The following FGF10 variants were observed in gnomAD, a reference collection of about 807,000 sequenced individuals.
FGF10 encodes fibroblast growth factor 10.
Under a neutral mutation model 19.8 loss-of-function variants are expected in FGF10, and 2 were observed. The observed-to-expected ratio is 0.10, with a 90% CI of 0.04 to 0.32. The LOEUF (loss-of-function observed/expected upper bound fraction) is 0.32. Ranked by LOEUF, FGF10 falls within the 10% of genes least tolerant of loss-of-function variation. The pLI is 1.00. For missense variants in FGF10, 191 were observed against 246.3 expected (o/e 0.78, Z 1.50); for synonymous variants, 112 against 94.0 (o/e 1.19, Z -1.10).
intron 1 of FGF10, among the ~76,000 whole-genome samples, chr5:44,311,651 C>A (rs949474291): frequency 9.9e-4 from 151 of 152,142 alleles, no homozygotes; most frequent in African/African-American, 3.5e-3. Flanking sequence ...AGCTTAGTAT[C>A]TTCTTAATTA....
chr5:44,335,559 T>C (rs1388417937), intron 1 of FGF10, among the ~76,000 whole-genome samples: 2 of 152,180 alleles, frequency 1.3e-5, no homozygotes, highest in East Asian at 3.8e-4. Flanking sequence ...TTCATTGATT[T>C]ACAACCTGAG....
At chr5:44,313,588 G>GTTT (rs11324688) in intron 1 of FGF10, among the ~76,000 whole-genome samples, 6 of 146,754 alleles carry the variant, frequency 4.1e-5, no homozygotes, top group Non-Finnish European at 6.0e-5. Context: ...ATAAAAAAAG[G>GTTT]TTTTTTTTTT....
intron 1 of FGF10, among the ~76,000 whole-genome samples, chr5:44,314,848 T>C: frequency 6.6e-6 from 1 of 152,160 alleles, no homozygotes; most frequent in Non-Finnish European, 1.5e-5. Context: ...GTCTGGAGGG[T>C]AAGTTTCTCA....
rs1489437461 is a variant in FGF10, at chr5:44,389,289, C to G, written c.-607G>C. ...CCTTTCTGTTTTTAGTGGTGCCTGC[C>G]GATTTGAAGGCTGCCGAAAGTCACT... On this transcript the variant is annotated 5_prime_UTR_variant, in exon 1 of 3. Coordinates refer to ENST00000264664, the MANE Select transcript of FGF10 (RefSeq NM_004465.2). 1.3e-5 allele frequency: 2 copies of G among 157,132 alleles called. No individual in the cohort carries two copies. The highest frequency in any genetic ancestry group is 2.4e-5 in the African/African-American group (1 of 41,450). The allele number at this position is 157,132 out of a possible 1,614,324, so 9.7% of individuals were successfully genotyped here.
At chr5:44,350,922 T>C (rs1318818712) in intron 1 of FGF10, among the ~76,000 whole-genome samples, 1 of 151,406 alleles carries the variant, frequency 6.6e-6, no homozygotes, top group Non-Finnish European at 1.5e-5. Flanking sequence ...TATCATTTGG[T>C]AGCTTAGTAA....
In FGF10 at chr5:44,379,731, T is replaced by G. The variant is rs186389221; in HGVS notation, c.325+8627A>C. ...CTTGGGTTATATTTCCCTCACACCT[T>G]TCTTGTCATGTCAGCCCTTTCGCAG... On this transcript the variant is annotated intron_variant, in intron 1 of 2. Coordinates refer to ENST00000264664, the MANE Select transcript of FGF10 (RefSeq NM_004465.2). Among the ~76,000 whole-genome samples, 334 of 152,310 alleles carry G rather than the reference T, an allele frequency of 2.2e-3. 2 individuals carry two copies. Among genetic ancestry groups the G allele is most frequent in the African/African-American group, 7.7e-3 (322 of 41,562 alleles).
chr5:44,347,519 T>A (rs1741115724), intron 1 of FGF10, among the ~76,000 whole-genome samples: 1 of 151,776 alleles, frequency 6.6e-6, no homozygotes, highest in South Asian at 2.1e-4. Flanking sequence ...CAAAACTATA[T>A]CCATCCTTCA....
intron 1 of FGF10, among the ~76,000 whole-genome samples, chr5:44,358,502 G>C (rs771759694): frequency 1.3e-5 from 2 of 151,464 alleles, no homozygotes; most frequent in Non-Finnish European, 3.0e-5. Flanking sequence ...AAAAAACAAA[G>C]GACATTATAG....
At chr5:44,325,881 TA>T (rs5867660) in intron 1 of FGF10, among the ~76,000 whole-genome samples, 65,159 of 151,668 alleles carry the variant, frequency 0.43, 15,042 homozygotes, top group African/African-American at 0.59. Context: ...TACAAAATTT[TA>T]AAAAAAAGAA....
rs1740825707 is a variant in FGF10, at chr5:44,335,473, T to TCTA, written c.326-24946_326-24944dup. Among the ~76,000 whole-genome samples the TCTA allele has an allele frequency of 2.6e-5, 4 of 152,182 alleles. No individual in the cohort carries two copies. The South Asian group carries it at 8.3e-4, about 31-fold the overall frequency. Reference sequence around the variant, plus strand: ...ACTAAACAAAAGTTCTCTTGGGAATTCTACTGGTAACAATCATTCAGATTT... The same window carrying TCTA: ...ACTAAACAAAAGTTCTCTTGGGAATTCTACTACTGGTAACAATCATTCAGATTT... On this transcript the variant is annotated intron_variant, in intron 1 of 2. Coordinates refer to ENST00000264664, the MANE Select transcript of FGF10 (RefSeq NM_004465.2).
chr5:44,330,057 G>C (rs901843955), intron 1 of FGF10, among the ~76,000 whole-genome samples: 2 of 152,162 alleles, frequency 1.3e-5, no homozygotes, highest in East Asian at 3.9e-4. Flanking sequence ...TAAATATTTT[G>C]GATGTATTTC....
chr5:44,318,160 A>G (rs1352860405), intron 1 of FGF10, among the ~76,000 whole-genome samples: 1 of 152,130 alleles, frequency 6.6e-6, no homozygotes, highest in African/African-American at 2.4e-5. Flanking sequence ...TTTTGATCCC[A>G]TTTTGCAATG....
chr5:44,310,522 C>G lies in FGF10; in HGVS notation c.334G>C (p.Glu112Gln). ...ACTCCGATTTCTACTGATGTTATCT[C>G]CAGGATGCCTAAAACATACAATTTT... ...KKENCPYSIL[E>Q]ITSVEIGVVA... Residue 112 changes from glutamate to glutamine, a missense_variant, in exon 2 of 3, where the codon GAG becomes CAG. Glu to Gln is a conservative substitution (Grantham distance 29). This residue lies in a region of FGF10 where 99 missense variants were observed against 161.7 expected (regional missense o/e 0.61). Transcript: ENST00000264664. 1 of 1,607,028 alleles carries G rather than the reference C, an allele frequency of 6.2e-7. No homozygotes were observed. The highest frequency in any genetic ancestry group is 8.5e-7 in the Non-Finnish European group (1 of 1,174,284).
At chr5:44,341,560 G>C (rs1410189216) in intron 1 of FGF10, among the ~76,000 whole-genome samples, 4 of 151,642 alleles carry the variant, frequency 2.6e-5, no homozygotes, top group African/African-American at 9.7e-5. Flanking sequence ...ATTCTTTGAA[G>C]CAGAGCAATG....
At chr5:44,374,968 G>A (rs550028903) in intron 1 of FGF10, among the ~76,000 whole-genome samples, 3 of 152,014 alleles carry the variant, frequency 2.0e-5, no homozygotes, top group East Asian at 3.9e-4. Context: ...TATTTTTCAG[G>A]TTCTCAGAAT....
chr5:44,377,838 T>G (rs1390292275), intron 1 of FGF10, among the ~76,000 whole-genome samples: 1 of 152,230 alleles, frequency 6.6e-6, no homozygotes, highest in Non-Finnish European at 1.5e-5. Context: ...TGGAAGTAAT[T>G]TTTTAAAATA....
At chr5:44,387,982 C>T (rs905618282) in intron 1 of FGF10, among the ~76,000 whole-genome samples, 1 of 152,238 alleles carries the variant, frequency 6.6e-6, no homozygotes, top group Non-Finnish European at 1.5e-5. Flanking sequence ...TTACTTGAGC[C>T]ATTTCCAGAA....
intron 1 of FGF10, among the ~76,000 whole-genome samples, chr5:44,380,027 T>A (rs1351898914): frequency 2.0e-5 from 3 of 152,210 alleles, no homozygotes; most frequent in African/African-American, 7.2e-5. Flanking sequence ...CACTAGCACT[T>A]TTCTTTAATA....
intron 1 of FGF10, among the ~76,000 whole-genome samples, chr5:44,337,997 C>T (rs1367654007): frequency 6.6e-6 from 1 of 152,010 alleles, no homozygotes; most frequent in Non-Finnish European, 1.5e-5. Context: ...TGAAAACAAT[C>T]TAAATGTCCA....
Sources: gnomAD v4.1 joint callset for allele counts (sites outside exome capture counted in the v4.1 genomes callset) on GRCh38, gnomAD v4.1.1 for gene constraint, gnomAD v4.1.1 regional missense constraint, MANE v1.5 for transcripts, NCBI Gene and HGNC (gene_info 2026-07-23, HGNC 2026-07-21) for gene names.